The following COL24A1 variants were observed in gnomAD, a reference collection of about 807,000 sequenced individuals.
COL24A1 encodes the protein collagen alpha-1(XXIV) chain.
Under a neutral mutation model 253.9 loss-of-function variants are expected in COL24A1, and 224 were observed. The ratio of observed to expected loss-of-function variants is 0.88; its 90% CI spans 0.79 to 0.99. The LOEUF (loss-of-function observed/expected upper bound fraction) is 0.99. Among genes scored for constraint, COL24A1 ranks in the 50% least tolerant of loss-of-function variants. The pLI is 0.00. For synonymous variants in COL24A1, 685 were observed against 673.7 expected (o/e 1.02, Z -0.26); for missense variants, 2,131 against 2,068.5 (o/e 1.03, Z -0.59).
At chr1:85,789,756 A>T (rs1390846858) in intron 47 of COL24A1, among the ~76,000 whole-genome samples, 1 of 152,184 alleles carries the variant, frequency 6.6e-6, no homozygotes, top group African/African-American at 2.4e-5. Flanking sequence ...AGTTTTTAAC[A>T]TGAAGGGATG....
At chr1:85,843,834 T>A (rs1258732527) in intron 39 of COL24A1, among the ~76,000 whole-genome samples, 1 of 152,086 alleles carries the variant, frequency 6.6e-6, no homozygotes, top group Non-Finnish European at 1.5e-5. Context: ...TGCTGCTGAC[T>A]CAAGTGACTC....
chr1:86,133,015 C>T (rs1649530535), intron 2 of COL24A1, among the ~76,000 whole-genome samples: 1 of 10,722 alleles, frequency 9.3e-5, no homozygotes, highest in African/African-American at 1.2e-4. Flanking sequence ...AATGTTCTTC[C>T]ATTTTTTGTA....
rs529066985 is a variant in COL24A1, at chr1:85,980,736, G to A, written c.2364+6865C>T. The stretch of plus-strand genomic sequence containing the variant: ...ATCCTGGCTAACAAGGTGAAACCCC[G>A]TCTCTACTAAAAATACAAAAAAATT... On this transcript the variant is annotated intron_variant, in intron 20 of 59. Transcript: ENST00000370571. Among the ~76,000 whole-genome samples the A allele has an allele frequency of 1.2e-4, 19 of 152,058 alleles. No homozygotes were observed. The East Asian group carries it at 3.3e-3, about 26-fold the overall frequency.
chr1:86,022,473 A>C, intron 17 of COL24A1, 65 bp downstream of exon 17: 1 of 1,416,376 alleles, frequency 7.1e-7, no homozygotes, highest in Non-Finnish European at 9.9e-7. Context: ...TAAAATAATA[A>C]GCAGTTCTTT....
intron 39 of COL24A1, 87 bp downstream of exon 39, chr1:85,847,578 C>G: frequency 1.1e-6 from 1 of 881,664 alleles, no homozygotes; most frequent in Non-Finnish European, 1.8e-6. Flanking sequence ...GTCTGTAAAG[C>G]TAATCAAGGG....
chr1:85,848,833 A>G (rs1677429779), intron 38 of COL24A1, among the ~76,000 whole-genome samples: 2 of 152,182 alleles, frequency 1.3e-5, no homozygotes. Context: ...TTATACAAAG[A>G]CTTGCACTGT....
intron 24 of COL24A1, among the ~76,000 whole-genome samples, chr1:85,951,010 G>A (rs977040054): frequency 1.2e-4 from 19 of 152,254 alleles, no homozygotes; most frequent in African/African-American, 4.6e-4. Context: ...TTCTCATGCT[G>A]TTGTTCCCAT....
At chr1:86,112,782 T>C (rs1251441138) in intron 4 of COL24A1, among the ~76,000 whole-genome samples, 162 bp from the exon 5 acceptor site, 1 of 152,210 alleles carries the variant, frequency 6.6e-6, no homozygotes, top group African/African-American at 2.4e-5. Context: ...GCTTATGCCC[T>C]ATACCTACCC....
At chr1:85,922,230 T>G (rs749882269) in intron 24 of COL24A1, among the ~76,000 whole-genome samples, 1 of 152,172 alleles carries the variant, frequency 6.6e-6, no homozygotes, top group East Asian at 1.9e-4. Flanking sequence ...TGGAACCAAG[T>G]TGGAAAACAC....
Position 86,124,844 on chromosome 1 carries a change from C to T in COL24A1, c.1491+1G>A, listed in dbSNP as rs374346687. The T allele has an allele frequency of 4.0e-6, 6 of 1,518,046 alleles. No homozygotes were observed. Among genetic ancestry groups the T allele is most frequent in the East Asian group, 4.6e-5 (2 of 43,688 alleles). 94.0% of individuals were successfully genotyped at this position (1,518,046 alleles called of 1,614,324 possible). ...GAGATATTAAAAAAAAAAAAACTTA[C>T]GGGAGGTCCAGTGTCTCCTTTTGGC... On this transcript the variant is annotated splice_donor_variant, in intron 3 of 59. Transcript: ENST00000370571. LOFTEE classifies it high-confidence loss of function.
intron 10 of COL24A1, among the ~76,000 whole-genome samples, chr1:86,051,627 A>G (rs1171070333): frequency 1.3e-5 from 2 of 152,046 alleles, no homozygotes; most frequent in Non-Finnish European, 2.9e-5. Context: ...GTTATGATGG[A>G]AAGTCTGCAA....
At chr1:85,765,461 T>C (rs527441608) in intron 53 of COL24A1, among the ~76,000 whole-genome samples, 5 of 151,782 alleles carry the variant, frequency 3.3e-5, no homozygotes, top group Admixed American at 6.6e-5. Flanking sequence ...TTCTGGGGCT[T>C]TGGGAGGCAG....
rs34107171 is a variant in COL24A1 at position 85,760,058 on chromosome 1, G to GT, written c.4437+1337dup. The stretch of plus-strand genomic sequence containing the variant: ...ATTTGAAGACTTGGAGAAAGACATT[G>GT]TTTTTTTTTTTTTTTTGTTTGTTTG... On this transcript the variant is annotated intron_variant, in intron 55 of 59. Transcript: ENST00000370571. Among the ~76,000 whole-genome samples, 516 of 149,330 alleles carry GT rather than the reference G, an allele frequency of 3.5e-3. 1 individual carries two copies. The highest frequency in any genetic ancestry group is 5.5e-3 in the Non-Finnish European group (372 of 67,550).
At chr1:86,056,506 G>A (rs565963530) in intron 10 of COL24A1, among the ~76,000 whole-genome samples, 1 of 152,170 alleles carries the variant, frequency 6.6e-6, no homozygotes. Context: ...TTTTTAAAAT[G>A]TAAGACATCA....
At chr1:86,092,122 A>T in intron 6 of COL24A1, 145 bp downstream of exon 6, 8 of 605,944 alleles carry the variant, frequency 1.3e-5, no homozygotes, top group South Asian at 2.5e-5. Context: ...TTCTTCAAAT[A>T]GTTCTTCCTT....
intron 24 of COL24A1, among the ~76,000 whole-genome samples, chr1:85,956,367 G>A (rs967407427): frequency 1.3e-5 from 2 of 152,130 alleles, no homozygotes; most frequent in African/African-American, 4.8e-5. Context: ...TAAAGGTTTT[G>A]TAATGAGAAA....
At chr1:86,009,165 T>C (rs1037312638) in intron 19 of COL24A1, among the ~76,000 whole-genome samples, 1 of 152,158 alleles carries the variant, frequency 6.6e-6, no homozygotes, top group African/African-American at 2.4e-5. Flanking sequence ...AGGAAAACAC[T>C]GAAAAAAGCT....
At chr1:85,909,805 A>AGAT in intron 26 of COL24A1, 145 bp downstream of exon 26, 1 of 729,170 alleles carries the variant, frequency 1.4e-6, no homozygotes, top group Non-Finnish European at 2.4e-6. Context: ...GCATTCTGGG[A>AGAT]GATAAACCAT....
At chr1:86,089,296 A>C (rs1307523519) in intron 6 of COL24A1, 69 bp from the exon 7 acceptor site, 19 of 1,285,476 alleles carry the variant, frequency 1.5e-5, no homozygotes, top group Non-Finnish European at 2.0e-5. Flanking sequence ...TTGAAAATTA[A>C]AGCTCCTTTT....
Sources: allele counts gnomAD v4.1 joint callset (sites outside exome capture counted in the v4.1 genomes callset), GRCh38; gene constraint gnomAD v4.1.1; transcripts MANE v1.5; gene names NCBI Gene and HGNC (gene_info 2026-07-23, HGNC 2026-07-21).